Variants in FOXP1 observed in about 807,000 individuals in gnomAD.
FOXP1 encodes forkhead box P1, also known as forkhead box protein P1.
FOXP1 carries 15 observed loss-of-function variants against 98.2 expected under a neutral mutation model. The observed-to-expected ratio is 0.15, with a 90% CI of 0.10 to 0.24. The LOEUF (loss-of-function observed/expected upper bound fraction) is 0.24, where lower values mean the gene tolerates loss of function less well. Ranked by LOEUF, FOXP1 falls within the 10% of genes least tolerant of loss-of-function variation. The probability of loss-of-function intolerance (pLI) is 1.00; values close to 1 mark genes in which losing one functional copy is unlikely to be tolerated. For synonymous variants in FOXP1, 371 were observed against 314.5 expected (o/e 1.18, Z -1.90); for missense variants, 633 against 848.5 (o/e 0.75, Z 3.15).
chr3:71,245,687 G>A (rs1360214025), intron 5 of FOXP1, among the ~76,000 whole-genome samples: 3 of 151,164 alleles, frequency 2.0e-5, no homozygotes, highest in African/African-American at 7.3e-5. Flanking sequence ...TTCACATACT[G>A]TGTCACTGAG....
intron 5 of FOXP1, among the ~76,000 whole-genome samples, chr3:71,249,577 T>C (rs911157590): frequency 6.6e-6 from 1 of 152,210 alleles, no homozygotes; most frequent in Non-Finnish European, 1.5e-5. Context: ...CCCAGCCCTC[T>C]GGCTGAGACA....
At chr3:71,565,413 G>C (rs554137833) in intron 2 of FOXP1, among the ~76,000 whole-genome samples, 45 of 152,244 alleles carry the variant, frequency 3.0e-4, no homozygotes, top group African/African-American at 1.0e-3. Context: ...GTAAGAGAGA[G>C]TCTCTGCTAA....
At position 71,015,140 on chromosome 3, in the gene FOXP1, A is replaced by T. The variant is rs564948906; in HGVS notation, c.974+409T>A. On this transcript the variant is annotated intron_variant, in intron 12 of 20. Transcript: ENST00000649528. ...TACCCTAGAACTTAAAGTATAATTT[A>T]AAAAAAAAAAGAAGATGACACCTCC... Among the ~76,000 whole-genome samples the T allele has an allele frequency of 1.3e-3, 192 of 145,014 alleles. 1 individual carries two copies. The highest frequency in any genetic ancestry group is 4.7e-3 in the African/African-American group (179 of 38,362).
chr3:71,564,749 C>T (rs907278932), intron 2 of FOXP1, among the ~76,000 whole-genome samples: 4 of 152,272 alleles, frequency 2.6e-5, no homozygotes, highest in East Asian at 1.9e-4. Flanking sequence ...TTTCAGTGGA[C>T]GGGCAGACAA....
At chr3:71,270,978 T>C (rs1040334037) in intron 5 of FOXP1, among the ~76,000 whole-genome samples, 1 of 152,192 alleles carries the variant, frequency 6.6e-6, no homozygotes, top group African/African-American at 2.4e-5. Context: ...CGCCTGTAAT[T>C]CCAGCACTTT....
intron 7 of FOXP1, among the ~76,000 whole-genome samples, chr3:71,081,749 T>G (rs575706259): frequency 2.6e-5 from 4 of 152,244 alleles, no homozygotes; most frequent in Non-Finnish European, 5.9e-5. Context: ...AGACAAGATT[T>G]AAGTCATCTT....
intron 4 of FOXP1, among the ~76,000 whole-genome samples, chr3:71,358,893 C>T (rs2078359160): frequency 6.6e-6 from 1 of 152,076 alleles, no homozygotes; most frequent in Non-Finnish European, 1.5e-5. Context: ...CTATCTGGCC[C>T]CTTACAAATT....
At chr3:71,340,461 G>C (rs1311371437) in intron 4 of FOXP1, among the ~76,000 whole-genome samples, 1 of 152,204 alleles carries the variant, frequency 6.6e-6, no homozygotes, top group African/African-American at 2.4e-5. Flanking sequence ...CCTGGAGTTT[G>C]CCACGTGGCC....
intron 4 of FOXP1, among the ~76,000 whole-genome samples, chr3:71,306,646 A>C (rs963575224): frequency 2.7e-5 from 4 of 150,690 alleles, no homozygotes; most frequent in Non-Finnish European, 3.0e-5. Context: ...AAAAAAAAAA[A>C]AAAAAAAAAA....
rs184365508 is a variant in FOXP1, at chr3:70,963,061, T to C, written c.1889+2829A>G. Among the ~76,000 whole-genome samples the C allele has an allele frequency of 2.6e-4, 39 of 152,322 alleles. 1 individual carries two copies. The highest frequency in any genetic ancestry group is 8.4e-4 in the African/African-American group (35 of 41,582). Reference sequence around the variant, plus strand: ...TACGAGGTATCAATTTTAAAAGCTGTAGAAGTGAAAAAACAAATAAACAAA... The same window carrying C: ...TACGAGGTATCAATTTTAAAAGCTGCAGAAGTGAAAAAACAAATAAACAAA... On this transcript the variant is annotated intron_variant, in intron 20 of 20. Coordinates refer to ENST00000649528, the MANE Select transcript of FOXP1 (RefSeq NM_001349338.3).
At chr3:71,234,291 C>T (rs2066590064) in intron 5 of FOXP1, among the ~76,000 whole-genome samples, 1 of 152,160 alleles carries the variant, frequency 6.6e-6, no homozygotes, top group African/African-American at 2.4e-5. Context: ...AGGACACTAA[C>T]CATTCATTAT....
At chr3:71,138,420 T>C (rs1192697998) in intron 6 of FOXP1, among the ~76,000 whole-genome samples, 1 of 152,052 alleles carries the variant, frequency 6.6e-6, no homozygotes, top group African/African-American at 2.4e-5. Context: ...ACGAATACAA[T>C]GATACATGAA....
intron 6 of FOXP1, among the ~76,000 whole-genome samples, chr3:71,182,532 G>GTA (rs145364390): frequency 2.7e-5 from 3 of 111,518 alleles, no homozygotes; most frequent in Non-Finnish European, 3.9e-5. Context: ...GTGTGTGTGT[G>GTA]TATATATGTA....
intron 2 of FOXP1, among the ~76,000 whole-genome samples, chr3:71,557,306 T>C (rs1206940806): frequency 1.3e-5 from 2 of 151,752 alleles, no homozygotes; most frequent in Non-Finnish European, 2.9e-5. Context: ...GTTGGCATTA[T>C]CTCCATATTA....
At chr3:70,970,440 A>G (rs2035964768) in intron 19 of FOXP1, 3 of 429,570 alleles carry the variant, frequency 7.0e-6, no homozygotes, top group Admixed American at 3.5e-5. Context: ...CACTTGTGGT[A>G]TTTTTGCCTC....
intron 11 of FOXP1, 51 bp downstream of exon 11, chr3:71,041,277 C>T: frequency 6.7e-7 from 1 of 1,487,926 alleles, no homozygotes; most frequent in South Asian, 1.1e-5. Context: ...GGCCACCCAC[C>T]CCTCTCATGT....
chr3:70,970,641 A>ATTTAATATCTAAT (rs1469844945), intron 19 of FOXP1, 95 bp downstream of exon 19: 38 of 1,066,856 alleles, frequency 3.6e-5, no homozygotes, highest in Non-Finnish European at 4.4e-5. Flanking sequence ...CGGAATTAAA[A>ATTTAATATCTAAT]TTTAATATCT....
chr3:71,583,195 G>T (rs1231464262), intron 1 of FOXP1, among the ~76,000 whole-genome samples: 1 of 152,052 alleles, frequency 6.6e-6, no homozygotes, highest in African/African-American at 2.4e-5. Context: ...AGAGAGGCGT[G>T]AAGGGGCCTA....
At chr3:71,550,187 G>C (rs759820678) in intron 2 of FOXP1, among the ~76,000 whole-genome samples, 9 of 152,168 alleles carry the variant, frequency 5.9e-5, no homozygotes, top group Non-Finnish European at 1.2e-4. Flanking sequence ...AGAGGAGGAA[G>C]CCTGTGGAGA....
Sources: gnomAD v4.1 joint callset for allele counts (sites outside exome capture counted in the v4.1 genomes callset) on GRCh38, gnomAD v4.1.1 for gene constraint, MANE v1.5 for transcripts, NCBI Gene and HGNC (gene_info 2026-07-23, HGNC 2026-07-21) for gene names.